The following SDK1 variants were observed in gnomAD, a reference collection of about 807,000 sequenced individuals.
SDK1 encodes sidekick cell adhesion molecule 1, also known as protein sidekick-1.
In SDK1, 157 loss-of-function variants were observed where a neutral mutation model predicts 245.5. The observed-to-expected ratio is 0.64, with a 90% CI of 0.56 to 0.73. The LOEUF (loss-of-function observed/expected upper bound fraction) is 0.73, where lower values mean the gene tolerates loss of function less well. Among genes scored for constraint, SDK1 ranks in the 30% least tolerant of loss-of-function variants. SDK1 has a pLI of 0.00. For synonymous variants in SDK1, 1,647 were observed against 1,278.5 expected, an observed-to-expected ratio of 1.29 and a Z score of -6.15; for missense variants, 3,583 against 3,002.3, an observed-to-expected ratio of 1.19 and a Z score of -4.52.
intron 1 of SDK1, among the ~76,000 whole-genome samples, chr7:3,305,744 CTTGG>C (rs1232030609): frequency 2.0e-5 from 3 of 152,178 alleles, no homozygotes; most frequent in Non-Finnish European, 2.9e-5. Context: ...CAACTGGTCT[CTTGG>C]TTGGTTACTG....
intron 35 of SDK1, among the ~76,000 whole-genome samples, chr7:4,188,688 AAAG>A (rs1321766283): frequency 2.6e-5 from 4 of 152,016 alleles, no homozygotes; most frequent in East Asian, 1.9e-4. Context: ...TCAAAAAAAA[AAAG>A]AAAGAAAGAA....
At chr7:3,687,498 C>T (rs961955699) in intron 4 of SDK1, among the ~76,000 whole-genome samples, 4 of 152,298 alleles carry the variant, frequency 2.6e-5, no homozygotes, top group South Asian at 2.1e-4. Flanking sequence ...TAACAGATAT[C>T]GAACCGCAGT....
At chr7:4,103,452 A>C (rs1031742016) in intron 22 of SDK1, among the ~76,000 whole-genome samples, 3 of 152,064 alleles carry the variant, frequency 2.0e-5, no homozygotes, top group African/African-American at 7.2e-5. Flanking sequence ...GGGTTAAAGA[A>C]CTCCTGTCTC....
chr7:3,914,581 A>T (rs1779300301), intron 5 of SDK1, among the ~76,000 whole-genome samples: 1 of 152,208 alleles, frequency 6.6e-6, no homozygotes, highest in African/African-American at 2.4e-5. Context: ...GAAACCATGA[A>T]GCTAGGGAAG....
chr7:3,406,445 C>G (rs1779057860), intron 1 of SDK1, among the ~76,000 whole-genome samples: 1 of 152,146 alleles, frequency 6.6e-6, no homozygotes. Context: ...CTCCAATGGA[C>G]TGGCTTGGCA....
rs775115206 is a variant in SDK1 at position 4,110,644 on chromosome 7, A to G, written c.3325-19A>G. ...CCCTAAGGCATGTCCAGCCCATCTCAGTGTCTCCCTCTGCACAGGTGGGAG... is the reference window on the plus strand; with the variant it reads ...CCCTAAGGCATGTCCAGCCCATCTCGGTGTCTCCCTCTGCACAGGTGGGAG... On this transcript the variant is annotated intron_variant, in intron 22 of 44. Coordinates refer to ENST00000404826, the MANE Select transcript of SDK1 (RefSeq NM_152744.4). 6.4e-7 allele frequency: 1 copy of G among 1,553,080 alleles called. No individual in the cohort carries two copies. Among genetic ancestry groups the G allele is most frequent in the East Asian group, 2.2e-5 (1 of 44,574 alleles).
intron 38 of SDK1, among the ~76,000 whole-genome samples, chr7:4,213,009 G>A (rs1277191618): frequency 1.3e-5 from 2 of 152,174 alleles, no homozygotes; most frequent in African/African-American, 4.8e-5. Context: ...TTCATGGGCT[G>A]GGCGCAGGGG....
At chr7:3,342,139 C>G (rs886770331) in intron 1 of SDK1, among the ~76,000 whole-genome samples, 2 of 152,182 alleles carry the variant, frequency 1.3e-5, no homozygotes, top group African/African-American at 4.8e-5. Flanking sequence ...AAGCAATTCA[C>G]TGATAGATTA....
intron 4 of SDK1, among the ~76,000 whole-genome samples, chr7:3,711,001 A>T (rs1356091172): frequency 6.6e-6 from 1 of 152,232 alleles, no homozygotes. Context: ...TTTACAATTA[A>T]ATTTTATTCC....
At chr7:3,688,679 G>A (rs939255644) in intron 4 of SDK1, among the ~76,000 whole-genome samples, 7 of 152,204 alleles carry the variant, frequency 4.6e-5, no homozygotes, top group Non-Finnish European at 8.8e-5. Flanking sequence ...TGTTGGAGTA[G>A]ATAGTATGTA....
rs1779265884 is a variant in SDK1 at position 3,301,721 on chromosome 7, C to G, written c.135C>G (p.Gly45=). ...GCCCCTCGCTGGCGCCGCGCCCCGGCCCGGAGCCCTCGCGACCCCGGGCGG... is the reference window on the plus strand; with the variant it reads ...GCCCCTCGCTGGCGCCGCGCCCCGGGCCGGAGCCCTCGCGACCCCGGGCGG... The part of the protein sequence containing the change: ...RARPSLAPRP[G]PEPSRPRAAP... The change falls in exon 1 of 45, where the codon GGC becomes GGG. Residue 45 remains glycine (G), a synonymous_variant. Transcript: ENST00000404826. 1.0e-6 allele frequency: 1 copy of G among 976,606 alleles called. No individual in the cohort carries two copies. Among genetic ancestry groups the G allele is most frequent in the Non-Finnish European group, 1.2e-6 (1 of 825,650 alleles). The allele number at this position is 976,606 out of a possible 1,614,324, so 60.5% of individuals were successfully genotyped here.
chr7:3,583,949 A>G (rs998410203), intron 1 of SDK1, among the ~76,000 whole-genome samples: 5 of 152,130 alleles, frequency 3.3e-5, no homozygotes, highest in Admixed American at 2.0e-4. Context: ...GCAGACCAGG[A>G]AGGAATAAGG....
intron 40 of SDK1, among the ~76,000 whole-genome samples, chr7:4,232,150 A>G (rs1462593527): frequency 6.6e-6 from 1 of 151,270 alleles, no homozygotes; most frequent in African/African-American, 2.4e-5. Context: ...GCACTTTATA[A>G]ATATTAACTT....
intron 1 of SDK1, among the ~76,000 whole-genome samples, chr7:3,319,990 T>C (rs1322566059): frequency 1.3e-5 from 2 of 151,378 alleles, no homozygotes; most frequent in Non-Finnish European, 2.9e-5. Flanking sequence ...AATTTCACCT[T>C]GCCAAATAGA....
chr7:3,750,134 G>A (rs998023231), intron 4 of SDK1, among the ~76,000 whole-genome samples: 1 of 152,186 alleles, frequency 6.6e-6, no homozygotes, highest in Non-Finnish European at 1.5e-5. Flanking sequence ...TGGTTATTTT[G>A]ACTGGTTCAA....
At chr7:3,461,985 C>T (rs1475423362) in intron 1 of SDK1, among the ~76,000 whole-genome samples, 1 of 152,140 alleles carries the variant, frequency 6.6e-6, no homozygotes, top group African/African-American at 2.4e-5. Context: ...TAAAAAAGAA[C>T]CACGACCTCC....
chr7:3,808,985 G>C (rs6977475), intron 4 of SDK1, among the ~76,000 whole-genome samples: 2 of 152,058 alleles, frequency 1.3e-5, no homozygotes, highest in African/African-American at 4.8e-5. Context: ...TGAGGATCCA[G>C]CATCACCAAG....
chr7:3,738,514 G>T (rs1457988517), intron 4 of SDK1, among the ~76,000 whole-genome samples: 1 of 152,148 alleles, frequency 6.6e-6, no homozygotes, highest in Non-Finnish European at 1.5e-5. Context: ...TTGCAAGATT[G>T]TTTTGGCTTT....
intron 17 of SDK1, among the ~76,000 whole-genome samples, chr7:4,019,260 G>A (rs1786674621): frequency 6.6e-6 from 1 of 152,216 alleles, no homozygotes; most frequent in African/African-American, 2.4e-5. Flanking sequence ...TTAGCTAACT[G>A]GAATTTAGTT....
Sources: gnomAD v4.1 joint callset for allele counts (sites outside exome capture counted in the v4.1 genomes callset) on GRCh38, gnomAD v4.1.1 for gene constraint, MANE v1.5 for transcripts, NCBI Gene and HGNC (gene_info 2026-07-23, HGNC 2026-07-21) for gene names.